The following EPS15 variants were observed in gnomAD, a reference collection of about 807,000 sequenced individuals.
EPS15 encodes the protein epidermal growth factor receptor pathway substrate 15, also known as epidermal growth factor receptor substrate 15.
Under a neutral mutation model 113.8 loss-of-function variants are expected in EPS15, and 72 were observed. The observed-to-expected ratio is 0.63, with a 90% CI of 0.52 to 0.77. The LOEUF (loss-of-function observed/expected upper bound fraction) is 0.77, where lower values mean the gene tolerates loss of function less well. Ranked by LOEUF, EPS15 falls within the 30% of genes least tolerant of loss-of-function variation. The pLI, the probability that EPS15 is intolerant of heterozygous loss-of-function variation, is 0.00. For missense variants in EPS15, 1,048 were observed against 1,045.8 expected (o/e 1.00, Z -0.03); for synonymous variants, 344 against 363.4 (o/e 0.95, Z 0.61).
chr1:51,468,407 T>C, intron 5 of EPS15, 66 bp downstream of exon 5: 1 of 1,181,166 alleles, frequency 8.5e-7, no homozygotes, highest in Non-Finnish European at 1.3e-6. Context: ...TTACTTTTAA[T>C]TTTCAAATAA....
At chr1:51,401,007 A>G in intron 18 of EPS15, 54 bp from the exon 19 acceptor site, 1 of 1,152,328 alleles carries the variant, frequency 8.7e-7, no homozygotes, top group Non-Finnish European at 1.3e-6. Flanking sequence ...CTGTGGTGAC[A>G]CCACTACTTA....
intron 24 of EPS15, among the ~76,000 whole-genome samples, chr1:51,359,058 T>C (rs1430746954): frequency 6.6e-6 from 1 of 151,812 alleles, no homozygotes; most frequent in Non-Finnish European, 1.5e-5. Flanking sequence ...TGCCACAAAC[T>C]ACCAGAGGGT....
rs11205844 is a variant in EPS15, at chr1:51,449,642, G to A, written c.562-1507C>T. Among the ~76,000 whole-genome samples, 200 of 151,868 alleles carry A rather than the reference G, an allele frequency of 1.3e-3. 6 individuals are homozygous for A. Among genetic ancestry groups the A allele is most frequent in the African/African-American group, 4.5e-3 (186 of 41,170 alleles). The stretch of plus-strand genomic sequence containing the variant: ...TAGGCTAAGTTTCTTTTGCAGTAAA[G>A]GAAGAGTTTAATTGATGCAAAACTG... On this transcript the variant is annotated intron_variant, in intron 8 of 24. Transcript: ENST00000371733.
chr1:51,514,982 C>G (rs980142155), intron 1 of EPS15, among the ~76,000 whole-genome samples: 1 of 152,186 alleles, frequency 6.6e-6, no homozygotes, highest in African/African-American at 2.4e-5. Context: ...CATTTTCAAA[C>G]TAACCTGTAT....
chr1:51,466,698 A>C (rs1217747870), intron 5 of EPS15, among the ~76,000 whole-genome samples: 2 of 151,950 alleles, frequency 1.3e-5, no homozygotes, highest in African/African-American at 4.8e-5. Context: ...AAATGTAAAA[A>C]ATTAAAAAAA....
chr1:51,372,251 G>A (rs1194065103), intron 21 of EPS15: 14 of 482,496 alleles, frequency 2.9e-5, no homozygotes, highest in East Asian at 6.6e-5. Flanking sequence ...CCTAGTGGGC[G>A]GTGTGTGTCA....
intron 13 of EPS15, among the ~76,000 whole-genome samples, chr1:51,419,668 A>T (rs1650563476): frequency 6.6e-6 from 1 of 152,138 alleles, no homozygotes; most frequent in Non-Finnish European, 1.5e-5. Flanking sequence ...ATTTATTAAT[A>T]GCTCCAGTGA....
In EPS15 at chr1:51,357,432, T is replaced by A. The variant is rs1302474559; in HGVS notation, c.2545-586A>T. ...TATATATATATATATATATATTTTT[T>A]TTTTTTAAATGTGATATATATATAT... On this transcript the variant is annotated intron_variant, in intron 24 of 24. Transcript: ENST00000371733. Among the ~76,000 whole-genome samples, 328 of 109,140 alleles carry A rather than the reference T, an allele frequency of 3.0e-3. 2 individuals carry two copies. Among genetic ancestry groups the A allele is most frequent in the Non-Finnish European group, 4.8e-3 (269 of 55,500 alleles). 71.6% of individuals were successfully genotyped at this position (109,140 alleles called of 152,430 possible).
chr1:51,473,060 T>A, intron 2 of EPS15, 112 bp from the exon 3 acceptor site: 1 of 782,998 alleles, frequency 1.3e-6, no homozygotes, highest in South Asian at 1.5e-5. Context: ...AAGAAAGGAA[T>A]GAGAATCCTT....
At chr1:51,391,169 A>G (rs1355889585) in intron 21 of EPS15, among the ~76,000 whole-genome samples, 3 of 152,232 alleles carry the variant, frequency 2.0e-5, no homozygotes, top group East Asian at 3.8e-4. Context: ...TTGTAGGGAC[A>G]TGGATGAAAC....
chr1:51,372,724 A>C (rs945106622), intron 21 of EPS15: 2 of 410,556 alleles, frequency 4.9e-6, no homozygotes, highest in Non-Finnish European at 9.4e-6. Flanking sequence ...AAAACATTTG[A>C]GCATGTGGCT....
chr1:51,498,329 C>A (rs1644360669), intron 1 of EPS15, among the ~76,000 whole-genome samples: 1 of 152,158 alleles, frequency 6.6e-6, no homozygotes, highest in African/African-American at 2.4e-5. Flanking sequence ...ACCAGTTGGT[C>A]CCCAATTTAC....
At chr1:51,462,434 G>T (rs1213249712) in intron 7 of EPS15, among the ~76,000 whole-genome samples, 1 of 151,696 alleles carries the variant, frequency 6.6e-6, no homozygotes, top group East Asian at 1.9e-4. Context: ...AATATGAAGA[G>T]GATTATGGAG....
rs1557535778 is a variant in EPS15 at position 51,507,910 on chromosome 1, G to T, written c.33+11289C>A. On this transcript the variant is annotated intron_variant, in intron 1 of 24. Coordinates refer to ENST00000371733, the MANE Select transcript of EPS15 (RefSeq NM_001981.3). ...AAAAACATTTAGGCCCAACGCGGTGGCTCACGCCTGTATTTCCAGCACTTT... is the reference window on the plus strand; with the variant it reads ...AAAAACATTTAGGCCCAACGCGGTGTCTCACGCCTGTATTTCCAGCACTTT... Among the ~76,000 whole-genome samples the T allele has an allele frequency of 2.6e-5, 4 of 151,970 alleles. No homozygotes were observed. The South Asian group carries it at 8.3e-4, about 32-fold the overall frequency.
At chr1:51,430,717 A>G (rs977661590) in intron 12 of EPS15, among the ~76,000 whole-genome samples, 1 of 152,244 alleles carries the variant, frequency 6.6e-6, no homozygotes, top group Admixed American at 6.5e-5. Context: ...ACACTTTGGG[A>G]GGCTGAAGTG....
intron 13 of EPS15, among the ~76,000 whole-genome samples, chr1:51,419,859 G>T (rs916334932): frequency 3.3e-5 from 5 of 151,974 alleles, no homozygotes; most frequent in Non-Finnish European, 7.4e-5. Context: ...TCAGAAAATT[G>T]AAAATGATCA....
chr1:51,388,266 A>C (rs1176195487), intron 21 of EPS15, among the ~76,000 whole-genome samples: 1 of 152,224 alleles, frequency 6.6e-6, no homozygotes, highest in East Asian at 1.9e-4. Context: ...TCTTCTTTGA[A>C]ACCAACGAGC....
At chr1:51,504,746 A>C (rs1303239844) in intron 1 of EPS15, among the ~76,000 whole-genome samples, 2 of 152,210 alleles carry the variant, frequency 1.3e-5, no homozygotes, top group African/African-American at 4.8e-5. Context: ...AGAATCAGCT[A>C]ATAACAATTA....
intron 1 of EPS15, among the ~76,000 whole-genome samples, chr1:51,507,602 A>G (rs1195123243): frequency 6.6e-6 from 1 of 152,006 alleles, no homozygotes; most frequent in Non-Finnish European, 1.5e-5. Context: ...TGGAAGTTGC[A>G]GTGGGCTGAG....
Sources: allele counts gnomAD v4.1 joint callset (sites outside exome capture counted in the v4.1 genomes callset), GRCh38; gene constraint gnomAD v4.1.1; transcripts MANE v1.5; gene names NCBI Gene and HGNC (gene_info 2026-07-23, HGNC 2026-07-21).